Variants in EPC1 observed in about 807,000 individuals in gnomAD.
EPC1 encodes the protein enhancer of polycomb homolog 1.
Under a neutral mutation model 98.4 loss-of-function variants are expected in EPC1, and 12 were observed. The ratio of observed to expected loss-of-function variants is 0.12; its 90% CI spans 0.08 to 0.20. The LOEUF is 0.20. Ranked by LOEUF, EPC1 falls within the 10% of genes least tolerant of loss-of-function variation. The probability of loss-of-function intolerance (pLI) is 1.00; values close to 1 mark genes in which losing one functional copy is unlikely to be tolerated. For missense variants in EPC1, 729 were observed against 990.5 expected, an observed-to-expected ratio of 0.74 and a Z score of 3.54; for synonymous variants, 357 against 363.9, an observed-to-expected ratio of 0.98 and a Z score of 0.21.
At chr10:32,299,504 T>C (rs985034000) in intron 2 of EPC1, among the ~76,000 whole-genome samples, 3 of 151,606 alleles carry the variant, frequency 2.0e-5, no homozygotes, top group East Asian at 3.9e-4. Flanking sequence ...CTTTAAGACA[T>C]TGATGTTTTT....
At chr10:32,304,791 C>T (rs111253508) in intron 2 of EPC1, among the ~76,000 whole-genome samples, 5 of 151,888 alleles carry the variant, frequency 3.3e-5, no homozygotes, top group South Asian at 2.1e-4. Context: ...TGGTGGCATG[C>T]GCCTGTAATC....
chr10:32,336,700 T>G (rs1471779894), intron 1 of EPC1, among the ~76,000 whole-genome samples: 1 of 152,138 alleles, frequency 6.6e-6, no homozygotes, highest in Admixed American at 6.5e-5. Flanking sequence ...TAATCAACTC[T>G]TAACGACTGA....
intron 10 of EPC1, among the ~76,000 whole-genome samples, chr10:32,274,233 A>C (rs1835971912): frequency 6.6e-6 from 1 of 152,098 alleles, no homozygotes; most frequent in African/African-American, 2.4e-5. Flanking sequence ...AAAACAAAAA[A>C]AGATTTATCA....
chr10:32,331,052 T>G (rs1837611873), intron 1 of EPC1, among the ~76,000 whole-genome samples: 2 of 152,210 alleles, frequency 1.3e-5, no homozygotes, highest in African/African-American at 4.8e-5. Context: ...TATATTATTT[T>G]TTCTGTATAT....
chr10:32,269,124 T>C lies in EPC1; in HGVS notation c.2381A>G (p.Glu794Gly). 2 of 1,613,764 alleles carry C rather than the reference T, an allele frequency of 1.2e-6. No individual in the cohort carries two copies. Among genetic ancestry groups the C allele is most frequent in the Non-Finnish European group, 8.5e-7 (1 of 1,179,776 alleles). Reference sequence around the variant, plus strand: ...GTTGTTCAGTGCTGGCTTTTCTGATTCATGATTTTCCCTGTTGAAATAAAG... The same window carrying C: ...GTTGTTCAGTGCTGGCTTTTCTGATCCATGATTTTCCCTGTTGAAATAAAG... Reference protein sequence around the residue: ...SVDSVPRENHESEKPALNNIA... With the variant: ...SVDSVPRENHGSEKPALNNIA... Residue 794 changes from glutamate to glycine, a missense_variant, in exon 14 of 14, where the codon GAA becomes GGA. By Grantham distance (98) the Glu-to-Gly change is moderately conservative (BLOSUM62 -2). Transcript: ENST00000319778.
chr10:32,340,295 T>C (rs904709159), intron 1 of EPC1, among the ~76,000 whole-genome samples: 21 of 152,196 alleles, frequency 1.4e-4, no homozygotes, highest in African/African-American at 3.6e-4. Context: ...TAACATATTA[T>C]AGTAGATGTA....
At chr10:32,348,972 G>C (rs1839029150), upstream of EPC1, among the ~76,000 whole-genome samples, 1 of 152,222 alleles carries the variant, frequency 6.6e-6, no homozygotes. Flanking sequence ...AAGTAAAAAT[G>C]AAGGGAAGAA....
rs57395657 is a variant in EPC1 at position 32,327,062 on chromosome 10, G to GACACACACACAC, written c.153+19689_153+19700dup. ...AATAGATGAATGAAGAAAATGTGGTGACACACACACACACACACACACACA... is the reference window on the plus strand; with the variant it reads ...AATAGATGAATGAAGAAAATGTGGTGACACACACACACACACACACACACACACACACACACA... On this transcript the variant is annotated intron_variant, in intron 1 of 13. Coordinates refer to ENST00000319778, the MANE Select transcript of EPC1 (RefSeq NM_001272004.3). Among the ~76,000 whole-genome samples, 173 of 142,358 alleles carry GACACACACACAC rather than the reference G, an allele frequency of 1.2e-3. 1 individual carries two copies. The highest frequency in any genetic ancestry group is 3.4e-3 in the African/African-American group (131 of 37,994). The allele number at this position is 142,358 out of a possible 152,430, so 93.4% of individuals were successfully genotyped here.
intron 10 of EPC1, chr10:32,281,798 T>C (rs896899920): frequency 1.3e-5 from 2 of 152,110 alleles, no homozygotes. Context: ...GCTTCCTGAG[T>C]AGCTGGGATT....
At chr10:32,363,720 G>A (rs952259777) in intron 1 of EPC1, among the ~76,000 whole-genome samples, 2 of 152,150 alleles carry the variant, frequency 1.3e-5, no homozygotes, top group African/African-American at 2.4e-5. Flanking sequence ...ACTATTGTGT[G>A]TATTTCCAAT....
intron 1 of EPC1, among the ~76,000 whole-genome samples, chr10:32,368,777 C>T (rs1021767611): frequency 2.0e-5 from 3 of 152,130 alleles, no homozygotes; most frequent in African/African-American, 7.2e-5. Flanking sequence ...ATTTTGATCT[C>T]TGAAATCAGG....
At chr10:32,347,312 C>T (rs1433519685), upstream of EPC1, 5 of 591,512 alleles carry the variant, frequency 8.5e-6, no homozygotes, top group Middle Eastern at 7.3e-4. Context: ...CTTCCCGCGC[C>T]TCGCTGCTCC....
At chr10:32,364,002 ATT>A (rs35887256) in intron 1 of EPC1, among the ~76,000 whole-genome samples, 260 of 69,178 alleles carry the variant, frequency 3.8e-3, no homozygotes, top group African/African-American at 0.017. Flanking sequence ...TCATGTTGGC[ATT>A]TTTTTTTTTT....
At chr10:32,333,226 G>A (rs1837746819) in intron 1 of EPC1, among the ~76,000 whole-genome samples, 2 of 152,202 alleles carry the variant, frequency 1.3e-5, no homozygotes, top group Non-Finnish European at 2.9e-5. Context: ...TGTAGTCCCA[G>A]CTACTCAGGA....
chr10:32,321,433 C>T (rs112435880), intron 1 of EPC1, among the ~76,000 whole-genome samples: 1,569 of 151,990 alleles, frequency 0.01, 16 homozygotes, highest in Non-Finnish European at 0.018. Flanking sequence ...CGGCACTTTA[C>T]AGCCCCAAAA....
At chr10:32,346,604 G>C in intron 1 of EPC1, 159 bp downstream of exon 1, 1 of 723,574 alleles carries the variant, frequency 1.4e-6, no homozygotes, top group South Asian at 1.8e-5. Flanking sequence ...GCCGGGGGTC[G>C]AGGCTGGGGG....
chr10:32,279,408 G>A (rs1258473358), intron 10 of EPC1, among the ~76,000 whole-genome samples: 1 of 150,956 alleles, frequency 6.6e-6, no homozygotes, highest in Admixed American at 6.6e-5. Context: ...ATAAAGTCAA[G>A]GTCCTGCAAA....
At chr10:32,313,047 G>A (rs967481285) in intron 1 of EPC1, among the ~76,000 whole-genome samples, 5 of 151,940 alleles carry the variant, frequency 3.3e-5, no homozygotes, top group African/African-American at 7.2e-5. Flanking sequence ...GATAATTTAA[G>A]TGTACAGAAG....
chr10:32,330,272 T>C (rs982036896), intron 1 of EPC1, among the ~76,000 whole-genome samples: 2 of 152,328 alleles, frequency 1.3e-5, no homozygotes, highest in Admixed American at 6.5e-5. Flanking sequence ...ATTATGGAAG[T>C]AGCAATAGAG....
Sources: gnomAD v4.1 joint callset for allele counts (sites outside exome capture counted in the v4.1 genomes callset) on GRCh38, gnomAD v4.1.1 for gene constraint, MANE v1.5 for transcripts, NCBI Gene and HGNC (gene_info 2026-07-23, HGNC 2026-07-21) for gene names.